The following FSTL5 variants were observed in gnomAD, a reference collection of about 807,000 sequenced individuals.
FSTL5 encodes follistatin-related protein 5.
In FSTL5, 62 loss-of-function variants were observed where a neutral mutation model predicts 89.1. The ratio of observed to expected loss-of-function variants is 0.70; its 90% CI spans 0.57 to 0.86. FSTL5 has a LOEUF of 0.86. Among genes scored for constraint, FSTL5 ranks in the 40% least tolerant of loss-of-function variants. The pLI is 0.00. For missense variants in FSTL5, 1,057 were observed against 1,001.6 expected, an observed-to-expected ratio of 1.06 and a Z score of -0.75; for synonymous variants, 383 against 346.2, an observed-to-expected ratio of 1.11 and a Z score of -1.18.
chr4:161,820,789 C>T (rs765282103), intron 4 of FSTL5, among the ~76,000 whole-genome samples: 7 of 152,046 alleles, frequency 4.6e-5, no homozygotes, highest in Middle Eastern at 3.2e-3. Flanking sequence ...ACCACCAGCT[C>T]TACAGAAATA....
At chr4:161,610,309 C>T (rs532434978) in intron 7 of FSTL5, among the ~76,000 whole-genome samples, 5 of 152,210 alleles carry the variant, frequency 3.3e-5, no homozygotes, top group African/African-American at 1.2e-4. Context: ...AATCACAAAA[C>T]TGTAGTCTTT....
At chr4:161,845,704 A>G (rs781661720) in intron 4 of FSTL5, among the ~76,000 whole-genome samples, 13 of 152,148 alleles carry the variant, frequency 8.5e-5, no homozygotes, top group African/African-American at 1.2e-4. Flanking sequence ...TTGCTTCACA[A>G]ATTTGTCATG....
At chr4:161,833,857 A>C (rs1730936223) in intron 4 of FSTL5, among the ~76,000 whole-genome samples, 1 of 151,910 alleles carries the variant, frequency 6.6e-6, no homozygotes, top group South Asian at 2.1e-4. Flanking sequence ...TGTGTCTTTT[A>C]ATTGGAGCAT....
chr4:161,786,836 A>G (rs557606001), intron 4 of FSTL5, among the ~76,000 whole-genome samples: 2 of 152,246 alleles, frequency 1.3e-5, no homozygotes, highest in Non-Finnish European at 2.9e-5. Flanking sequence ...TGTGTAACCT[A>G]TCTGCCAATG....
At chr4:161,497,704 A>G (rs1369946518) in intron 12 of FSTL5, among the ~76,000 whole-genome samples, 1 of 151,988 alleles carries the variant, frequency 6.6e-6, no homozygotes, top group African/African-American at 2.4e-5. Context: ...CATATTCTAT[A>G]ATATTTATCT....
At chr4:161,893,449 C>T (rs1266193089) in intron 4 of FSTL5, among the ~76,000 whole-genome samples, 1 of 152,052 alleles carries the variant, frequency 6.6e-6, no homozygotes, top group Non-Finnish European at 1.5e-5. Context: ...TGTGGTTTTG[C>T]TTCATTTTTC....
intron 4 of FSTL5, among the ~76,000 whole-genome samples, chr4:161,895,927 T>G (rs1733144963): frequency 6.6e-6 from 1 of 152,136 alleles, no homozygotes; most frequent in African/African-American, 2.4e-5. Context: ...TATCTACTGC[T>G]TTACTTCTAT....
At chr4:162,060,724 T>C (rs1738692828) in intron 2 of FSTL5, among the ~76,000 whole-genome samples, 1 of 152,082 alleles carries the variant, frequency 6.6e-6, no homozygotes, top group African/African-American at 2.4e-5. Flanking sequence ...ATTTATGAGA[T>C]ACTCTACCAA....
intron 8 of FSTL5, among the ~76,000 whole-genome samples, chr4:161,573,769 G>GAAAAAAA: frequency 7.3e-6 from 1 of 137,338 alleles, no homozygotes. Flanking sequence ...AAAAGAAAAT[G>GAAAAAAA]AAAGAAAGAC....
intron 4 of FSTL5, among the ~76,000 whole-genome samples, chr4:161,868,561 C>A (rs991441797): frequency 1.3e-4 from 20 of 152,172 alleles, no homozygotes; most frequent in African/African-American, 4.6e-4. Context: ...AGTTATCTTT[C>A]TCACAAGTTT....
chr4:162,105,862 A>G (rs1042025405), intron 2 of FSTL5, among the ~76,000 whole-genome samples: 2 of 152,192 alleles, frequency 1.3e-5, no homozygotes, highest in African/African-American at 4.8e-5. Context: ...ATATGCTGCC[A>G]GCAATCACAT....
At chr4:161,389,886 C>T (rs951979321) in intron 15 of FSTL5, among the ~76,000 whole-genome samples, 2 of 152,020 alleles carry the variant, frequency 1.3e-5, no homozygotes, top group African/African-American at 4.8e-5. Context: ...GAGAAAAATA[C>T]CACAAACTTA....
At chr4:161,520,233 A>G (rs1472001348) in intron 10 of FSTL5, among the ~76,000 whole-genome samples, 2 of 151,852 alleles carry the variant, frequency 1.3e-5, no homozygotes, top group Non-Finnish European at 2.9e-5. Flanking sequence ...ATAAACCACA[A>G]CATTTTTTAA....
chr4:162,059,930 A>G (rs912264180), intron 2 of FSTL5, among the ~76,000 whole-genome samples: 2 of 152,128 alleles, frequency 1.3e-5, no homozygotes, highest in Non-Finnish European at 2.9e-5. Context: ...GTGCATAAGA[A>G]TCACCAGGGA....
intron 1 of FSTL5, among the ~76,000 whole-genome samples, chr4:162,116,594 AC>A: frequency 6.6e-6 from 1 of 152,300 alleles, no homozygotes; most frequent in Non-Finnish European, 1.5e-5. Flanking sequence ...TGGGGAGGCT[AC>A]ATCAGGAATA....
chr4:161,596,728 T>C (rs1260160635), intron 7 of FSTL5, among the ~76,000 whole-genome samples: 1 of 152,172 alleles, frequency 6.6e-6, no homozygotes, highest in Non-Finnish European at 1.5e-5. Flanking sequence ...GAATACAATG[T>C]AATTCGTTAA....
intron 3 of FSTL5, among the ~76,000 whole-genome samples, chr4:161,979,979 T>C (rs1032910095): frequency 6.6e-6 from 1 of 150,472 alleles, no homozygotes; most frequent in Non-Finnish European, 1.5e-5. Context: ...GTATCTTCTA[T>C]CTAAAGACCT....
At chr4:162,058,575 G>A (rs934059235) in intron 2 of FSTL5, among the ~76,000 whole-genome samples, 2 of 151,370 alleles carry the variant, frequency 1.3e-5, no homozygotes, top group African/African-American at 2.4e-5. Flanking sequence ...TTACAGGCAC[G>A]CACCACCATG....
At chr4:161,789,247 C>T (rs1384143038) in intron 4 of FSTL5, among the ~76,000 whole-genome samples, 1 of 151,290 alleles carries the variant, frequency 6.6e-6, no homozygotes, top group South Asian at 2.1e-4. Context: ...GTTAGTTGAA[C>T]GTTGTTTAGA....
Sources: allele counts gnomAD v4.1 joint callset (sites outside exome capture counted in the v4.1 genomes callset), GRCh38; gene constraint gnomAD v4.1.1; transcripts MANE v1.5; gene names NCBI Gene and HGNC (gene_info 2026-07-23, HGNC 2026-07-21).